Variants in NT5DC3 observed in about 807,000 individuals in gnomAD.
NT5DC3 encodes the protein 5'-nucleotidase domain containing 3.
A neutral mutation model predicts 67.8 loss-of-function variants in NT5DC3; 42 were observed. The observed-to-expected ratio is 0.62, with a 90% confidence interval of 0.48 to 0.80. The LOEUF (loss-of-function observed/expected upper bound fraction) is 0.80. NT5DC3 is among the 30% of genes least tolerant of loss of function. The probability of loss-of-function intolerance (pLI) is 0.00; values close to 1 mark genes in which losing one functional copy is unlikely to be tolerated. For missense variants in NT5DC3, 570 were observed against 696.4 expected (o/e 0.82, Z 2.04); for synonymous variants, 237 against 255.6 (o/e 0.93, Z 0.69).
At chr12:103,820,512 T>G (rs111617122) in intron 1 of NT5DC3, among the ~76,000 whole-genome samples, 8 of 152,202 alleles carry the variant, frequency 5.3e-5, no homozygotes, top group Non-Finnish European at 1.2e-4. Flanking sequence ...TGTGTAAAGA[T>G]GTGAGCTTGG....
chr12:103,762,203 G>C, the NT5DC3 span: 4 of 1,589,134 alleles, frequency 2.5e-6, no homozygotes, highest in Non-Finnish European at 3.4e-6. Context: ...AATGCCTCGG[G>C]CCACCAAGGG....
the NT5DC3 span, chr12:103,762,483 G>A: frequency 1.9e-6 from 3 of 1,600,642 alleles, no homozygotes; most frequent in Non-Finnish European, 1.7e-6. Flanking sequence ...TCAGTCGGTG[G>A]CTGCGCCAGA....
rs754055507 is a variant in NT5DC3, at chr12:103,815,154, C to T, written c.209-33G>A. ...TAAAGAAAAAAAATACATTATACTA[C>T]ATAATAAATAAGGGTTAGTATGATT... is the stretch of plus-strand genomic sequence containing the variant. On this transcript the variant is annotated intron_variant, in intron 1 of 13. Coordinates refer to ENST00000392876, the MANE Select transcript of NT5DC3 (RefSeq NM_001031701.3). 5.7e-6 allele frequency: 8 copies of T among 1,403,364 alleles called. No individual in the cohort carries two copies. The East Asian group carries it at 1.7e-4, about 30-fold the overall frequency. 86.9% of individuals were successfully genotyped at this position (1,403,364 alleles called of 1,614,324 possible).
chr12:103,818,705 G>C (rs1365081442), intron 1 of NT5DC3, among the ~76,000 whole-genome samples: 1 of 152,052 alleles, frequency 6.6e-6, no homozygotes, highest in East Asian at 1.9e-4. Context: ...TTTTTATTTT[G>C]CCAATAAGAC....
the NT5DC3 span, among the ~76,000 whole-genome samples, chr12:103,749,319 GT>G: frequency 3.3e-5 from 5 of 152,176 alleles, no homozygotes; most frequent in Non-Finnish European, 7.3e-5. Context: ...ATGCAAGGTA[GT>G]CCCCTAGGCA....
chr12:103,825,180 G>A (rs547898322), intron 1 of NT5DC3, among the ~76,000 whole-genome samples: 5 of 152,122 alleles, frequency 3.3e-5, no homozygotes, highest in Non-Finnish European at 7.3e-5. Context: ...TCGTCTCCGA[G>A]GAGAAGCAAT....
chr12:103,768,634 T>TGAGAGA (rs58287606), downstream of NT5DC3, among the ~76,000 whole-genome samples: 13 of 24,910 alleles, frequency 5.2e-4, no homozygotes, highest in South Asian at 0.017. Context: ...GGAGAGGGAG[T>TGAGAGA]GAGAGAGAGA....
At chr12:103,780,811 T>TTA (rs1171673571) in intron 12 of NT5DC3, among the ~76,000 whole-genome samples, 1 of 152,180 alleles carries the variant, frequency 6.6e-6, no homozygotes, top group Non-Finnish European at 1.5e-5. Flanking sequence ...TGTACAAACG[T>TTA]TATAGTTAAG....
At position 103,806,204 on chromosome 12, in the gene NT5DC3, G is replaced by A. The variant is rs559164617; in HGVS notation, c.524+118C>T. 9.1e-4 allele frequency: 637 copies of A among 701,146 alleles called. 23 individuals are homozygous for A. The South Asian group carries it at 9.9e-3, about 11-fold the overall frequency. 43.4% of individuals were successfully genotyped at this position (701,146 alleles called of 1,614,324 possible). Reference sequence around the variant, plus strand: ...AACAAATGCTCTTGAGTAAGTGAGTGAATGAATGAATCATATTCACACTGC... The same window carrying A: ...AACAAATGCTCTTGAGTAAGTGAGTAAATGAATGAATCATATTCACACTGC... On this transcript the variant is annotated intron_variant, in intron 4 of 13. Transcript: ENST00000392876.
chr12:103,796,782 G>T, intron 6 of NT5DC3, 112 bp downstream of exon 6: 2 of 1,060,728 alleles, frequency 1.9e-6, no homozygotes, highest in Non-Finnish European at 2.8e-6. Context: ...AGAGTTCCCA[G>T]CTAAGAGACT....
At chr12:103,759,389 C>G in the NT5DC3 span, 2 of 1,411,756 alleles carry the variant, frequency 1.4e-6, no homozygotes, top group Non-Finnish European at 1.9e-6. Flanking sequence ...TCTAAACCTG[C>G]AGATAGGGGA....
chr12:103,758,106 T>C, the NT5DC3 span: 7 of 1,605,098 alleles, frequency 4.4e-6, no homozygotes, highest in Middle Eastern at 1.7e-4. Context: ...TGGGACCTTC[T>C]TCAGCCACCC....
chr12:103,836,365 T>C (rs1888147620), intron 1 of NT5DC3, among the ~76,000 whole-genome samples: 1 of 152,152 alleles, frequency 6.6e-6, no homozygotes, highest in Non-Finnish European at 1.5e-5. Context: ...ACTTCCCAGA[T>C]ACAATGGCGG....
chr12:103,766,040 G>A (rs1172632023), downstream of NT5DC3: 4 of 652,946 alleles, frequency 6.1e-6, no homozygotes, highest in African/African-American at 5.4e-5. Flanking sequence ...TGAAGAAACT[G>A]CAGCCGAGTT....
At chr12:103,811,795 G>A (rs1348661689) in intron 2 of NT5DC3, among the ~76,000 whole-genome samples, 1 of 152,210 alleles carries the variant, frequency 6.6e-6, no homozygotes, top group Non-Finnish European at 1.5e-5. Flanking sequence ...GGCATTGGGT[G>A]TATACATACA....
At chr12:103,762,657 G>A in the NT5DC3 span, among the ~76,000 whole-genome samples, 8 of 152,182 alleles carry the variant, frequency 5.3e-5, no homozygotes, top group Non-Finnish European at 1.2e-4. Context: ...AACCCACCCT[G>A]AGCCTCTGTG....
chr12:103,808,440 G>A (rs566922630), intron 2 of NT5DC3, among the ~76,000 whole-genome samples: 96 of 152,308 alleles, frequency 6.3e-4, no homozygotes, highest in Admixed American at 1.1e-3. Context: ...AAGTGCCCAG[G>A]AAACCTCCTT....
intron 1 of NT5DC3, among the ~76,000 whole-genome samples, chr12:103,833,463 T>C (rs1267782706): frequency 6.6e-6 from 1 of 152,118 alleles, no homozygotes; most frequent in Non-Finnish European, 1.5e-5. Context: ...TATATAGAAT[T>C]ATTATTATCC....
intron 4 of NT5DC3, among the ~76,000 whole-genome samples, chr12:103,800,710 G>A (rs572813947): frequency 6.6e-6 from 1 of 152,354 alleles, no homozygotes; most frequent in East Asian, 1.9e-4. Flanking sequence ...GCCTCAACCA[G>A]CGTTGAAATC....
Sources: allele counts gnomAD v4.1 joint callset (sites outside exome capture counted in the v4.1 genomes callset), GRCh38; gene constraint gnomAD v4.1.1; transcripts MANE v1.5; gene names NCBI Gene and HGNC (gene_info 2026-07-23, HGNC 2026-07-21).